HNRNPH3: variants seen among roughly 807,000 people sequenced by gnomAD.
HNRNPH3 encodes heterogeneous nuclear ribonucleoprotein 2H9.
A neutral mutation model predicts 47.0 loss-of-function variants in HNRNPH3; 7 were observed. That is an observed-to-expected ratio of 0.15 (90% CI 0.08 to 0.28). HNRNPH3 has a LOEUF of 0.28. Among genes scored for constraint, HNRNPH3 ranks in the 10% least tolerant of loss-of-function variants. The pLI, the probability that HNRNPH3 is intolerant of heterozygous loss-of-function variation, is 1.00. For missense variants in HNRNPH3, 279 were observed against 449.6 expected, an observed-to-expected ratio of 0.62 and a Z score of 3.43; for synonymous variants, 120 against 143.2, an observed-to-expected ratio of 0.84 and a Z score of 1.16.
Position 68,336,965 on chromosome 10 carries a change from A to G in HNRNPH3, c.-23-234A>G, listed in dbSNP as rs548883183. The G allele has an allele frequency of 8.1e-4, 304 of 374,270 alleles. 2 individuals are homozygous for G. The highest frequency in any genetic ancestry group is 2.9e-3 in the Admixed American group (66 of 22,646). The allele number at this position is 374,270 out of a possible 1,614,324, so 23.2% of individuals were successfully genotyped here. ...AAGTTTTCTTAAAATTAGGCAATATATAATATTGATACTACGAAATTCAGT... is the reference window on the plus strand; with the variant it reads ...AAGTTTTCTTAAAATTAGGCAATATGTAATATTGATACTACGAAATTCAGT... On this transcript the variant is annotated intron_variant, in intron 1 of 9. Transcript: ENST00000265866.
intron 5 of HNRNPH3, 59 bp downstream of exon 5, chr10:68,339,285 A>G: frequency 1.3e-6 from 2 of 1,585,682 alleles, no homozygotes; most frequent in South Asian, 1.1e-5. Context: ...TTGCTTTGCA[A>G]GCTCTTAGTG....
intron 6 of HNRNPH3, among the ~76,000 whole-genome samples, chr10:68,340,656 T>C (rs143375731): frequency 6.6e-6 from 1 of 152,368 alleles, no homozygotes; most frequent in East Asian, 1.9e-4. Flanking sequence ...TTCCAACTGC[T>C]TTTAATGATA....
At chr10:68,339,354 G>A in intron 5 of HNRNPH3, 86 bp from the exon 6 acceptor site, 1 of 1,511,968 alleles carries the variant, frequency 6.6e-7, no homozygotes, top group African/African-American at 1.4e-5. Flanking sequence ...TTCCTATATA[G>A]AGCTTTATAC....
chr10:68,338,999 T>G (rs1377967983), intron 4 of HNRNPH3, 141 bp from the exon 5 acceptor site: 2 of 603,490 alleles, frequency 3.3e-6, no homozygotes, highest in Non-Finnish European at 5.5e-6. Context: ...GTTGACTGCT[T>G]TTTTCATAGG....
chr10:68,340,059 G>C (rs2045792214), intron 6 of HNRNPH3, among the ~76,000 whole-genome samples: 1 of 151,962 alleles, frequency 6.6e-6, no homozygotes, highest in Non-Finnish European at 1.5e-5. Context: ...TTTTGAGACA[G>C]AGTCTTGCTC....
chr10:68,341,148 G>A (rs2045909200), intron 6 of HNRNPH3, 26 bp from the exon 7 acceptor site: 4 of 1,485,628 alleles, frequency 2.7e-6, no homozygotes, highest in Non-Finnish European at 3.6e-6. Context: ...CAATAGAAAA[G>A]TAAATAAGTG....
At chr10:68,338,413 A>T in intron 3 of HNRNPH3, 90 bp from the exon 4 acceptor site, 1 of 689,214 alleles carries the variant, frequency 1.5e-6, no homozygotes, top group Non-Finnish European at 2.4e-6. Flanking sequence ...ATGTATCTAG[A>T]TATAGAAAAA....
At chr10:68,341,000 C>T (rs2045893946) in intron 6 of HNRNPH3, 174 bp from the exon 7 acceptor site, 1 of 502,098 alleles carries the variant, frequency 2.0e-6, no homozygotes, top group Non-Finnish European at 3.4e-6. Flanking sequence ...AAATTCTTTA[C>T]ATTATCCCTA....
intron 4 of HNRNPH3, 189 bp downstream of exon 4, chr10:68,338,876 A>T (rs2045671750): frequency 3.7e-6 from 2 of 540,030 alleles, no homozygotes; most frequent in Admixed American, 7.4e-5. Flanking sequence ...GAAAACTTAC[A>T]CAGAAATTAA....
At position 68,339,327 on chromosome 10, in the gene HNRNPH3, A is replaced by G. The variant is rs1254113310; in HGVS notation, c.523+101A>G. ...TAGGAAACTTGTATAAAGTTAATTC[A>G]GACAAATTTCAGTGCATTCCTATAT... is the stretch of plus-strand genomic sequence containing the variant. On this transcript the variant is annotated intron_variant, in intron 5 of 9. Coordinates refer to ENST00000265866, the MANE Select transcript of HNRNPH3 (RefSeq NM_012207.3). The G allele has an allele frequency of 7.7e-6, 12 of 1,560,882 alleles. No individual in the cohort carries two copies. In the East Asian group the frequency reaches 2.2e-4, roughly 29 times the overall value.
Position 68,342,438 on chromosome 10 carries a change from T to C in HNRNPH3, c.*384T>C. On this transcript the variant is annotated 3_prime_UTR_variant, in exon 10 of 10. Transcript: ENST00000265866. ...AAACTGCAAGTCTTAAGCAGACATC[T>C]GGAATAGAGCTTGACAAATAATTAG... is the stretch of plus-strand genomic sequence containing the variant. The C allele has an allele frequency of 6.1e-6, 1 of 163,972 alleles. No individual in the cohort carries two copies. The highest frequency in any genetic ancestry group is 1.3e-5 in the Non-Finnish European group (1 of 75,472). 10.2% of individuals were successfully genotyped at this position (163,972 alleles called of 1,614,324 possible).
chr10:68,337,071 G>A lies in HNRNPH3; in HGVS notation c.-23-128G>A. On this transcript the variant is annotated intron_variant, in intron 1 of 9. Transcript: ENST00000265866. This position sits in a 1 kb window ranked among gnomAD's most constrained non-coding sequence, Gnocchi z 4.5. ...AAAGGTGGTCTACAATTTTGTTGTG[G>A]CATTGTCACAGCAGTTGGCCCCATG... is the stretch of plus-strand genomic sequence containing the variant. 1 of 510,718 alleles carries A rather than the reference G, an allele frequency of 2.0e-6. No homozygotes were observed. Among genetic ancestry groups the A allele is most frequent in the South Asian group, 3.2e-5 (1 of 31,170 alleles). 31.6% of individuals were successfully genotyped at this position (510,718 alleles called of 1,614,324 possible).
chr10:68,332,461 A>G (rs1000725840), intron 1 of HNRNPH3, among the ~76,000 whole-genome samples: 1 of 152,212 alleles, frequency 6.6e-6, no homozygotes, highest in Non-Finnish European at 1.5e-5. Context: ...AGTAGGGGAC[A>G]TCCAGCATTT....
Position 68,337,362 on chromosome 10 carries a change from AGTATT to A in HNRNPH3, c.112+33_112+37del. On this transcript the variant is annotated intron_variant, in intron 2 of 9. Transcript: ENST00000265866. This position sits in a 1 kb window ranked among gnomAD's most constrained non-coding sequence, Gnocchi z 4.5. The stretch of plus-strand genomic sequence containing the variant: ...CCTCTAGTATTAGTCAAAGTTTAGT[AGTATT>A]GTAATTTTATATTTGTATTGTTTTA... The A allele has an allele frequency of 8.1e-7, 1 of 1,241,156 alleles. No homozygotes were observed. Among genetic ancestry groups the A allele is most frequent in the Non-Finnish European group, 1.2e-6 (1 of 847,632 alleles). 76.9% of individuals were successfully genotyped at this position (1,241,156 alleles called of 1,614,324 possible).
intron 1 of HNRNPH3, chr10:68,332,839 C>G (rs956313322): frequency 3.9e-5 from 6 of 152,390 alleles, no homozygotes; most frequent in African/African-American, 1.4e-4. Flanking sequence ...ATGAGAGAGG[C>G]TGGAGCTGGG....
chr10:68,335,535 G>C (rs2045503790), intron 1 of HNRNPH3, among the ~76,000 whole-genome samples: 1 of 151,802 alleles, frequency 6.6e-6, no homozygotes, highest in Non-Finnish European at 1.5e-5. Context: ...CTTTAGAATA[G>C]TATTAAACTT....
At chr10:68,336,708 C>T (rs1344255239) in intron 1 of HNRNPH3, 1 of 152,462 alleles carries the variant, frequency 6.6e-6, no homozygotes, top group Non-Finnish European at 1.5e-5. Flanking sequence ...GGTTAGACTT[C>T]TGTGATATTT....
rs930523821 is a variant in HNRNPH3 at position 68,343,140 on chromosome 10, G to T, written c.*1086G>T. On this transcript the variant is annotated 3_prime_UTR_variant, in exon 10 of 10. Coordinates refer to ENST00000265866, the MANE Select transcript of HNRNPH3 (RefSeq NM_012207.3). ...TGATGTGAATTCAGTTATTGAACTT[G>T]TTACTTGTTTTTGCCAGAAATGTTA... 6.6e-6 allele frequency: 1 copy of T among 152,148 alleles called. No homozygotes were observed. Among genetic ancestry groups the T allele is most frequent in the Non-Finnish European group, 1.5e-5 (1 of 68,028 alleles). The allele number at this position is 152,148 out of a possible 1,614,324, so 9.4% of individuals were successfully genotyped here.
chr10:68,341,482 CTTTG>C (rs1194092121), intron 7 of HNRNPH3, 99 bp from the exon 8 acceptor site: 62 of 1,016,970 alleles, frequency 6.1e-5, no homozygotes, highest in African/African-American at 4.7e-4. Flanking sequence ...AATAAGCATA[CTTTG>C]TTTAATATTA....
Sources: gnomAD v4.1 joint callset for allele counts (sites outside exome capture counted in the v4.1 genomes callset) on GRCh38, gnomAD v4.1.1 for gene constraint, Gnocchi (gnomAD v3.1) non-coding constraint, MANE v1.5 for transcripts, NCBI Gene and HGNC (gene_info 2026-07-23, HGNC 2026-07-21) for gene names.